Variants in KCTD16 observed in about 807,000 individuals in gnomAD.
KCTD16 encodes BTB/POZ domain-containing protein KCTD16.
KCTD16 carries 13 observed loss-of-function variants against 33.2 expected under a neutral mutation model. The ratio of observed to expected loss-of-function variants is 0.39; its 90% CI spans 0.25 to 0.62. KCTD16 has a LOEUF of 0.62. Ranked by LOEUF, KCTD16 falls within the 20% of genes least tolerant of loss-of-function variation. The probability of loss-of-function intolerance (pLI) is 0.50; values close to 1 mark genes in which losing one functional copy is unlikely to be tolerated. For synonymous variants in KCTD16, 197 were observed against 195.3 expected (o/e 1.01, Z -0.07); for missense variants, 441 against 525.1 (o/e 0.84, Z 1.57).
At chr5:144,415,095 G>A (rs1753016748) in intron 3 of KCTD16, among the ~76,000 whole-genome samples, 2 of 152,170 alleles carry the variant, frequency 1.3e-5, no homozygotes, top group South Asian at 4.1e-4. Context: ...CCCATCTGAT[G>A]AGGGCCTTCT....
chr5:144,285,258 C>T (rs922094702), intron 3 of KCTD16, among the ~76,000 whole-genome samples: 1 of 152,198 alleles, frequency 6.6e-6, no homozygotes, highest in African/African-American at 2.4e-5. Flanking sequence ...TTTTCAACAT[C>T]TTTGCCATAA....
intron 3 of KCTD16, among the ~76,000 whole-genome samples, chr5:144,431,662 G>C (rs2126969647): frequency 6.6e-6 from 1 of 152,272 alleles, no homozygotes; most frequent in Non-Finnish European, 1.5e-5. Flanking sequence ...CTCTTCTAGT[G>C]ATTCTGATGC....
At chr5:144,373,811 G>A (rs746430993) in intron 3 of KCTD16, among the ~76,000 whole-genome samples, 1 of 152,192 alleles carries the variant, frequency 6.6e-6, no homozygotes, top group African/African-American at 2.4e-5. Context: ...GTAAGATGAG[G>A]TTAGTTAGCC....
rs190714233 is a variant in KCTD16, at chr5:144,404,716, G to A, written c.833-68944G>A. ...TTTGGGCTCATGGCATGTTGGGAGT[G>A]TTCTATTATGGATCTGACTGTGGTA... On this transcript the variant is annotated intron_variant, in intron 3 of 3. Transcript: ENST00000512467. 1.2e-3 allele frequency among the ~76,000 whole-genome samples: 186 copies of A among 152,272 alleles called. No individual in the cohort carries two copies. The Middle Eastern group carries it at 0.034, about 28-fold the overall frequency.
Position 144,484,850 on chromosome 5 carries a change from G to A in KCTD16, c.*10736G>A, listed in dbSNP as rs1754771351. On this transcript the variant is annotated 3_prime_UTR_variant, in exon 4 of 4. Transcript: ENST00000512467. ...CAATGCAGTTCGCTTGTACATAAATGTAACGTCATATTGTTTACAGGTTAT... is the reference window on the plus strand; with the variant it reads ...CAATGCAGTTCGCTTGTACATAAATATAACGTCATATTGTTTACAGGTTAT... 1 of 151,970 alleles carries A rather than the reference G, an allele frequency of 6.6e-6. No homozygotes were observed. Among genetic ancestry groups the A allele is most frequent in the Non-Finnish European group, 1.5e-5 (1 of 67,938 alleles). The allele number at this position is 151,970 out of a possible 1,614,324, so 9.4% of individuals were successfully genotyped here.
chr5:144,391,963 A>C (rs1752458892), intron 3 of KCTD16, among the ~76,000 whole-genome samples: 1 of 152,232 alleles, frequency 6.6e-6, no homozygotes, highest in Admixed American at 6.5e-5. Flanking sequence ...AAATCTATAG[A>C]TGGTGGGGAA....
rs1752397644 is a variant in KCTD16, at chr5:144,389,235, G to T, written c.833-84425G>T. Among the ~76,000 whole-genome samples, 6 of 152,208 alleles carry T rather than the reference G, an allele frequency of 3.9e-5. No individual in the cohort carries two copies. The South Asian group carries it at 1.2e-3, about 32-fold the overall frequency. On this transcript the variant is annotated intron_variant, in intron 3 of 3. Transcript: ENST00000512467. ...TCCCCAACCCCCAGGCCACGGACCA[G>T]TAGCAGTTTGTGGCCTATTAGGAAC...
chr5:144,389,690 C>T (rs1053470626), intron 3 of KCTD16, among the ~76,000 whole-genome samples: 1 of 152,108 alleles, frequency 6.6e-6, no homozygotes, highest in African/African-American at 2.4e-5. Flanking sequence ...AAATTGTCTT[C>T]CACGAAACCA....
chr5:144,335,277 G>A (rs904607765), intron 3 of KCTD16, among the ~76,000 whole-genome samples: 11 of 152,320 alleles, frequency 7.2e-5, no homozygotes, highest in Admixed American at 2.0e-4. Context: ...ACTGCTAAAA[G>A]TGAGGGTATA....
intron 3 of KCTD16, among the ~76,000 whole-genome samples, chr5:144,426,817 AC>A (rs889434590): frequency 6.6e-6 from 1 of 151,942 alleles, no homozygotes; most frequent in African/African-American, 2.4e-5. Flanking sequence ...TAACTAACCC[AC>A]CCCCTTGATA....
intron 3 of KCTD16, among the ~76,000 whole-genome samples, chr5:144,428,468 C>T (rs1020549282): frequency 1.3e-5 from 2 of 152,120 alleles, no homozygotes; most frequent in African/African-American, 2.4e-5. Flanking sequence ...ACCAATTAGA[C>T]CTTGCTTCCT....
chr5:144,352,818 A>G (rs764598239), intron 3 of KCTD16, among the ~76,000 whole-genome samples: 3 of 152,222 alleles, frequency 2.0e-5, no homozygotes, highest in Non-Finnish European at 4.4e-5. Flanking sequence ...AGTTGGCACT[A>G]ATGGGTTTTG....
chr5:144,171,271 T>C (rs1231248704), intron 1 of KCTD16, among the ~76,000 whole-genome samples: 2 of 152,128 alleles, frequency 1.3e-5, no homozygotes, highest in Admixed American at 1.3e-4. Context: ...AAGAAGAGTC[T>C]GTAAAGCCAC....
intron 3 of KCTD16, among the ~76,000 whole-genome samples, chr5:144,389,090 T>C (rs1259914083): frequency 6.6e-6 from 1 of 152,194 alleles, no homozygotes; most frequent in Non-Finnish European, 1.5e-5. Flanking sequence ...AAGCTCCCTG[T>C]ATGGTTGCCT....
At chr5:144,277,849 T>C (rs1169342484) in intron 3 of KCTD16, among the ~76,000 whole-genome samples, 1 of 152,214 alleles carries the variant, frequency 6.6e-6, no homozygotes, top group East Asian at 1.9e-4. Flanking sequence ...TGTTAAAAAC[T>C]TTTATCTAGT....
At chr5:144,177,679 C>A (rs904209583) in intron 2 of KCTD16, among the ~76,000 whole-genome samples, 1 of 152,102 alleles carries the variant, frequency 6.6e-6, no homozygotes, top group Non-Finnish European at 1.5e-5. Context: ...TTTAAGAGCA[C>A]GAGTCATGTT....
At position 144,396,455 on chromosome 5, in the gene KCTD16, T is replaced by TA. The variant is rs1580929843; in HGVS notation, c.833-77205_833-77204insA. The stretch of plus-strand genomic sequence containing the variant: ...GATTTACATTCAAGGACATTTGCGT[T>TA]TATATACTTGAATAAAACTCGGAAC... On this transcript the variant is annotated intron_variant, in intron 3 of 3. Coordinates refer to ENST00000512467, the MANE Select transcript of KCTD16 (RefSeq NM_020768.4). 2.6e-5 allele frequency among the ~76,000 whole-genome samples: 4 copies of TA among 152,196 alleles called. No individual in the cohort carries two copies. In the East Asian group the frequency reaches 7.7e-4, roughly 29 times the overall value.
At chr5:144,238,186 A>C (rs1313648175) in intron 3 of KCTD16, among the ~76,000 whole-genome samples, 2 of 152,150 alleles carry the variant, frequency 1.3e-5, no homozygotes, top group African/African-American at 2.4e-5. Context: ...TTTTGCAGTG[A>C]AGGAGGTAAG....
intron 3 of KCTD16, among the ~76,000 whole-genome samples, chr5:144,440,510 G>T (rs1365523299): frequency 6.6e-6 from 1 of 151,842 alleles, no homozygotes; most frequent in Non-Finnish European, 1.5e-5. Flanking sequence ...CTTTTTGATA[G>T]CCTAGCCATT....
Sources: allele counts gnomAD v4.1 joint callset (sites outside exome capture counted in the v4.1 genomes callset), GRCh38; gene constraint gnomAD v4.1.1; transcripts MANE v1.5; gene names NCBI Gene and HGNC (gene_info 2026-07-23, HGNC 2026-07-21).